The following ZDHHC14 variants were observed in gnomAD, a reference collection of about 807,000 sequenced individuals.
ZDHHC14 encodes palmitoyltransferase ZDHHC14.
ZDHHC14 carries 16 observed loss-of-function variants against 47.7 expected under a neutral mutation model. The observed-to-expected ratio is 0.34, with a 90% CI of 0.23 to 0.51. The LOEUF is 0.51. Ranked by LOEUF, ZDHHC14 falls within the 20% of genes least tolerant of loss-of-function variation. The pLI is 0.97. For missense variants in ZDHHC14, 515 were observed against 662.5 expected (o/e 0.78, Z 2.44); for synonymous variants, 293 against 278.9 (o/e 1.05, Z -0.50).
In ZDHHC14 at chr6:157,399,764, C is replaced by A. The variant is rs568006786; in HGVS notation, c.245+17498C>A. Among the ~76,000 whole-genome samples the A allele has an allele frequency of 5.3e-5, 8 of 152,366 alleles. 1 individual carries two copies. In the East Asian group the frequency reaches 1.5e-3, roughly 29 times the overall value. On this transcript the variant is annotated intron_variant, in intron 1 of 8. Coordinates refer to ENST00000359775, the MANE Select transcript of ZDHHC14 (RefSeq NM_024630.3). ...GTGATCTCACCATTCTCCATGGCCC[C>A]TTTCCATAGACCAGGCTGGCTGGGT...
In ZDHHC14 at chr6:157,429,530, T is replaced by C. The variant is rs140490554; in HGVS notation, c.245+47264T>C. On this transcript the variant is annotated intron_variant, in intron 1 of 8. Transcript: ENST00000359775. ...CCTTTGCCTCTAGCTGTATGTAGCA[T>C]ATATTAGAGGCTCACTAGCTGTTTG... 9.5e-3 allele frequency among the ~76,000 whole-genome samples: 1,361 copies of C among 143,654 alleles called. 25 individuals carry two copies. The highest frequency in any genetic ancestry group is 0.034 in the African/African-American group (1,289 of 38,442). The allele number at this position is 143,654 out of a possible 152,430, so 94.2% of individuals were successfully genotyped here.
chr6:157,431,713 T>G (rs1778341844), intron 1 of ZDHHC14, among the ~76,000 whole-genome samples: 1 of 150,042 alleles, frequency 6.7e-6, no homozygotes, highest in Admixed American at 6.7e-5. Context: ...TGGCTTTTTA[T>G]TTTTTAAATT....
chr6:157,507,541 G>A (rs1009094053), intron 1 of ZDHHC14, among the ~76,000 whole-genome samples: 4 of 152,094 alleles, frequency 2.6e-5, no homozygotes, highest in East Asian at 1.9e-4. Context: ...CTTGGCCTCC[G>A]AAAGTGCTGG....
intron 1 of ZDHHC14, among the ~76,000 whole-genome samples, chr6:157,401,782 G>A (rs1230954492): frequency 2.7e-5 from 4 of 149,908 alleles, no homozygotes; most frequent in Non-Finnish European, 5.9e-5. Context: ...GGTCTCAGCT[G>A]CAGTAGTGAG....
intron 3 of ZDHHC14, among the ~76,000 whole-genome samples, chr6:157,622,863 T>A (rs1785248696): frequency 7.7e-6 from 1 of 130,590 alleles, no homozygotes; most frequent in African/African-American, 2.7e-5. Context: ...TGAAGACATT[T>A]CTGCCTTTAC....
chr6:157,562,613 C>T (rs555997733), intron 2 of ZDHHC14, among the ~76,000 whole-genome samples: 17 of 152,242 alleles, frequency 1.1e-4, no homozygotes, highest in African/African-American at 3.6e-4. Context: ...AGCAGACACT[C>T]GATGAGCCAC....
In ZDHHC14 at chr6:157,521,509, A is replaced by C. The variant is rs1780913277; in HGVS notation, c.246-21076A>C. ...CAAGGAGCTGGCAGATTTGGTGTCT[A>C]GTGAGGACCCACTTTCTGGTTCAAA... On this transcript the variant is annotated intron_variant, in intron 1 of 8. Transcript: ENST00000359775. 2.0e-5 allele frequency among the ~76,000 whole-genome samples: 3 copies of C among 152,198 alleles called. No individual in the cohort carries two copies. In the South Asian group the frequency reaches 6.2e-4, roughly 32 times the overall value.
At chr6:157,664,735 A>G (rs1778479568) in intron 8 of ZDHHC14, among the ~76,000 whole-genome samples, 1 of 152,148 alleles carries the variant, frequency 6.6e-6, no homozygotes, top group Non-Finnish European at 1.5e-5. Flanking sequence ...CAGTGTCCCT[A>G]ATGCACTACT....
At chr6:157,447,810 A>G (rs1232406352) in intron 1 of ZDHHC14, among the ~76,000 whole-genome samples, 5 of 152,166 alleles carry the variant, frequency 3.3e-5, no homozygotes, top group South Asian at 2.1e-4. Context: ...CCTAAATGCC[A>G]CAAATGTTGG....
intron 1 of ZDHHC14, among the ~76,000 whole-genome samples, chr6:157,513,786 G>C (rs1780581859): frequency 6.6e-6 from 1 of 152,192 alleles, no homozygotes; most frequent in Non-Finnish European, 1.5e-5. Context: ...CACAGCTAGT[G>C]ATGAGGTCAG....
At chr6:157,581,049 T>C (rs1269938156) in intron 2 of ZDHHC14, among the ~76,000 whole-genome samples, 1 of 152,126 alleles carries the variant, frequency 6.6e-6, no homozygotes, top group Non-Finnish European at 1.5e-5. Flanking sequence ...CTTTTTCATG[T>C]GGCCATTTAG....
chr6:157,605,174 T>G (rs1784490377), intron 3 of ZDHHC14, among the ~76,000 whole-genome samples: 1 of 152,250 alleles, frequency 6.6e-6, no homozygotes, highest in South Asian at 2.1e-4. Context: ...TTTGCACATT[T>G]TTTAAAAAAG....
chr6:157,538,710 G>A (rs1781632401), intron 1 of ZDHHC14, among the ~76,000 whole-genome samples: 1 of 152,110 alleles, frequency 6.6e-6, no homozygotes, highest in South Asian at 2.1e-4. Context: ...AGAGAAAGAA[G>A]CGATCCCTTC....
rs1475251689 is a variant in ZDHHC14 at position 157,675,938 on chromosome 6, A to G, written c.*2816A>G. On this transcript the variant is annotated 3_prime_UTR_variant, in exon 9 of 9. Coordinates refer to ENST00000359775, the MANE Select transcript of ZDHHC14 (RefSeq NM_024630.3). ...ATCAAACACACACAAACACACACTC[A>G]TTCTGCTGTTTAAAAATTCATCTGC... The G allele has an allele frequency of 6.6e-6, 1 of 152,252 alleles. No individual in the cohort carries two copies. The highest frequency in any genetic ancestry group is 1.5e-5 in the Non-Finnish European group (1 of 68,044). The allele number at this position is 152,252 out of a possible 1,614,324, so 9.4% of individuals were successfully genotyped here. A position where few individuals can be genotyped will look rare whatever the true frequency, so the allele number is the denominator to read the frequency against.
chr6:157,471,915 G>A (rs549256204), intron 1 of ZDHHC14, among the ~76,000 whole-genome samples: 1 of 152,324 alleles, frequency 6.6e-6, no homozygotes, highest in East Asian at 1.9e-4. Flanking sequence ...GCTCAGGACA[G>A]TGCCTGGCAC....
At chr6:157,504,913 C>T (rs973580118) in intron 1 of ZDHHC14, among the ~76,000 whole-genome samples, 15 of 151,970 alleles carry the variant, frequency 9.9e-5, no homozygotes, top group Non-Finnish European at 1.8e-4. Context: ...TGGGTTCAAG[C>T]GATTCTGCTG....
At chr6:157,467,289 G>T (rs966857908) in intron 1 of ZDHHC14, among the ~76,000 whole-genome samples, 1 of 151,950 alleles carries the variant, frequency 6.6e-6, no homozygotes, top group Non-Finnish European at 1.5e-5. Flanking sequence ...GCCCTAAAAA[G>T]AAACCCATAC....
intron 1 of ZDHHC14, among the ~76,000 whole-genome samples, chr6:157,491,419 T>C (rs1415718105): frequency 6.6e-6 from 1 of 152,186 alleles, no homozygotes; most frequent in Non-Finnish European, 1.5e-5. Flanking sequence ...TTGCGTATAG[T>C]GGGCATGCCA....
intron 1 of ZDHHC14, among the ~76,000 whole-genome samples, chr6:157,453,788 T>TTGTGTGTGTGTG (rs371025248): frequency 0.14 from 21,444 of 147,978 alleles, 1,780 homozygotes; most frequent in Non-Finnish European, 0.2. Context: ...TTTTTGTGTT[T>TTGTGTGTGTGTG]TGTGTGTGTG....
Sources: allele counts gnomAD v4.1 joint callset (sites outside exome capture counted in the v4.1 genomes callset), GRCh38; gene constraint gnomAD v4.1.1; transcripts MANE v1.5; gene names NCBI Gene and HGNC (gene_info 2026-07-23, HGNC 2026-07-21).